The following DTNA variants were observed in gnomAD, a reference collection of about 807,000 sequenced individuals.
The protein encoded by DTNA is dystrophin-related protein 3.
Under a neutral mutation model 100.7 loss-of-function variants are expected in DTNA, and 43 were observed. The observed-to-expected ratio is 0.43, with a 90% confidence interval of 0.33 to 0.55. DTNA has a LOEUF of 0.55. DTNA is among the 20% of genes least tolerant of loss of function. The pLI is 0.04. For missense variants in DTNA, 798 were observed against 953.9 expected (o/e 0.84, Z 2.15); for synonymous variants, 349 against 347.9 (o/e 1.00, Z -0.04).
In DTNA at chr18:34,711,274, C is replaced by A. The variant is rs151108820; in HGVS notation, c.-2+829C>A. Among the ~76,000 whole-genome samples the A allele has an allele frequency of 3.9e-5, 6 of 152,206 alleles. No homozygotes were observed. The East Asian group carries it at 1.2e-3, about 29-fold the overall frequency. ...ATGGGAGGCTTTGGTACACACAGAGCAAGTTAAAGGAGAACAATTTCTTTA... is the reference window on the plus strand; with the variant it reads ...ATGGGAGGCTTTGGTACACACAGAGAAAGTTAAAGGAGAACAATTTCTTTA... On this transcript the variant is annotated intron_variant, in intron 1 of 22. Transcript: ENST00000444659.
chr18:34,498,312 A>G (rs1303492210), intron 1 of DTNA, among the ~76,000 whole-genome samples: 1 of 151,904 alleles, frequency 6.6e-6, no homozygotes, highest in Non-Finnish European at 1.5e-5. Flanking sequence ...CGGGACCTGT[A>G]GTCCCAACTA....
At chr18:34,494,571 C>T (rs2144328195) in intron 1 of DTNA, among the ~76,000 whole-genome samples, 1 of 152,096 alleles carries the variant, frequency 6.6e-6, no homozygotes, top group East Asian at 1.9e-4. Flanking sequence ...CTCAGTGGTA[C>T]CACTCCTGGG....
chr18:34,587,284 A>G (rs2049241639), intron 1 of DTNA, among the ~76,000 whole-genome samples: 1 of 152,162 alleles, frequency 6.6e-6, no homozygotes, highest in Non-Finnish European at 1.5e-5. Context: ...AACCACTTAA[A>G]GACAAAACAT....
chr18:34,706,893 T>G (rs2082187401), upstream of DTNA, among the ~76,000 whole-genome samples: 1 of 152,210 alleles, frequency 6.6e-6, no homozygotes, highest in African/African-American at 2.4e-5. Flanking sequence ...AACAATGTGC[T>G]TGCAAAAATT....
chr18:34,831,793 T>A lies in DTNA; in HGVS notation c.1175+2304T>A, dbSNP rs1397400042. Among the ~76,000 whole-genome samples the A allele has an allele frequency of 4.6e-5, 7 of 152,212 alleles. No homozygotes were observed. The East Asian group carries it at 1.4e-3, about 29-fold the overall frequency. On this transcript the variant is annotated intron_variant, in intron 11 of 22. Coordinates refer to ENST00000444659, the MANE Select transcript of DTNA (RefSeq NM_001386795.1). ...CAAAAAAATAAAAAATGATACTGTA[T>A]TAGGCTCTGTAGTTCCTATAGGGAG...
At chr18:34,569,529 A>C (rs772003077) in intron 1 of DTNA, among the ~76,000 whole-genome samples, 18 of 152,220 alleles carry the variant, frequency 1.2e-4, no homozygotes, top group Admixed American at 6.5e-4. Flanking sequence ...AGAACCAGAA[A>C]GGATTCATCT....
At chr18:34,807,989 G>T (rs1325522555) in intron 5 of DTNA, among the ~76,000 whole-genome samples, 1 of 151,348 alleles carries the variant, frequency 6.6e-6, no homozygotes, top group African/African-American at 2.4e-5. Context: ...TGAGAACCTT[G>T]TCTGCCAACC....
chr18:34,882,509 C>A (rs1222847147), intron 21 of DTNA, among the ~76,000 whole-genome samples: 2 of 152,054 alleles, frequency 1.3e-5, no homozygotes, highest in Non-Finnish European at 2.9e-5. Flanking sequence ...GCTGGGACTA[C>A]GGGCATGCAC....
chr18:34,779,234 C>CA (rs2094206014), intron 3 of DTNA, among the ~76,000 whole-genome samples: 1 of 152,150 alleles, frequency 6.6e-6, no homozygotes, highest in Non-Finnish European at 1.5e-5. Flanking sequence ...TGTGTCTTAT[C>CA]ACTGTTTACA....
At chr18:34,862,235 A>G (rs2096638821) in intron 16 of DTNA, among the ~76,000 whole-genome samples, 2 of 151,898 alleles carry the variant, frequency 1.3e-5, no homozygotes, top group South Asian at 4.2e-4. Context: ...CAACCCAGGA[A>G]GACAAAGACT....
Position 34,888,639 on chromosome 18 carries a change from A to G in DTNA, c.*905A>G. The stretch of plus-strand genomic sequence containing the variant: ...CTTAAAAACTGTGAACTATGTTTTG[A>G]AATACTCGTTACTAAAGCTGTTTAT... On this transcript the variant is annotated 3_prime_UTR_variant, in exon 23 of 23. Coordinates refer to ENST00000444659, the MANE Select transcript of DTNA (RefSeq NM_001386795.1). 1 of 985,856 alleles carries G rather than the reference A, an allele frequency of 1.0e-6. No homozygotes were observed. The highest frequency in any genetic ancestry group is 1.1e-4 in the East Asian group (1 of 8,824). The allele number at this position is 985,856 out of a possible 1,614,324, so 61.1% of individuals were successfully genotyped here. A position where few individuals can be genotyped will look rare whatever the true frequency, so the allele number is the denominator to read the frequency against.
intron 1 of DTNA, among the ~76,000 whole-genome samples, chr18:34,724,108 G>A (rs750517299): frequency 2.6e-5 from 4 of 152,096 alleles, no homozygotes; most frequent in Non-Finnish European, 5.9e-5. Context: ...ACACTTTATT[G>A]GTGGTGAAAT....
intron 13 of DTNA, among the ~76,000 whole-genome samples, chr18:34,843,884 A>C (rs2096322657): frequency 6.6e-6 from 1 of 152,098 alleles, no homozygotes. Context: ...AGTTTATTGC[A>C]ATCTGTTGAA....
At chr18:34,517,253 T>G (rs1018785787) in intron 1 of DTNA, among the ~76,000 whole-genome samples, 1 of 152,148 alleles carries the variant, frequency 6.6e-6, no homozygotes, top group African/African-American at 2.4e-5. Context: ...TTAATACTCT[T>G]AAATGCCTTC....
chr18:34,809,424 G>A (rs2095437011), intron 5 of DTNA, among the ~76,000 whole-genome samples: 1 of 152,020 alleles, frequency 6.6e-6, no homozygotes, highest in African/African-American at 2.4e-5. Flanking sequence ...CCACTACACT[G>A]GGCAACAGAG....
At chr18:34,611,452 CT>C (rs1180273417) in intron 1 of DTNA, among the ~76,000 whole-genome samples, 1 of 152,154 alleles carries the variant, frequency 6.6e-6, no homozygotes, top group African/African-American at 2.4e-5. Flanking sequence ...GAACTCATTT[CT>C]TTCTTTAGAA....
At chr18:34,778,958 C>G (rs2094189887) in intron 3 of DTNA, among the ~76,000 whole-genome samples, 1 of 151,814 alleles carries the variant, frequency 6.6e-6, no homozygotes, top group Non-Finnish European at 1.5e-5. Context: ...GCTGGGACTA[C>G]AGGCGCCCGC....
chr18:34,738,847 G>A (rs984933226), intron 1 of DTNA, among the ~76,000 whole-genome samples: 5 of 152,184 alleles, frequency 3.3e-5, no homozygotes, highest in African/African-American at 1.2e-4. Flanking sequence ...AAGTTTCCGA[G>A]ATCATGTTGC....
chr18:34,605,076 C>T (rs1335970007), intron 1 of DTNA, among the ~76,000 whole-genome samples: 1 of 149,502 alleles, frequency 6.7e-6, no homozygotes, highest in East Asian at 2.0e-4. Flanking sequence ...AATGGAAAAA[C>T]AATGGGCATT....
Sources: gnomAD v4.1 joint callset for allele counts (sites outside exome capture counted in the v4.1 genomes callset) on GRCh38, gnomAD v4.1.1 for gene constraint, MANE v1.5 for transcripts, NCBI Gene and HGNC (gene_info 2026-07-23, HGNC 2026-07-21) for gene names.